The following NEK3 variants were observed in gnomAD, a reference collection of about 807,000 sequenced individuals.
The protein encoded by NEK3 is serine/threonine-protein kinase Nek3.
A neutral mutation model predicts 66.0 loss-of-function variants in NEK3; 54 were observed. That is an observed-to-expected ratio of 0.82 (90% CI 0.66 to 1.03). The LOEUF (loss-of-function observed/expected upper bound fraction) is 1.03, where lower values mean the gene tolerates loss of function less well. NEK3 is among the 50% of genes least tolerant of loss of function. The pLI is 0.00. For synonymous variants in NEK3, 200 were observed against 206.2 expected (o/e 0.97, Z 0.26); for missense variants, 593 against 603.0 (o/e 0.98, Z 0.17).
At chr13:52,155,945 TG>T (rs1956391721) in intron 2 of NEK3, 129 bp downstream of exon 2, 3 of 518,292 alleles carry the variant, frequency 5.8e-6, no homozygotes, top group Admixed American at 6.6e-5. Context: ...TGACCTCAGG[TG>T]ATCTACCCGC....
intron 8 of NEK3, 174 bp downstream of exon 8, chr13:52,148,241 C>A: frequency 2.1e-6 from 1 of 477,856 alleles, no homozygotes; most frequent in Non-Finnish European, 3.7e-6. Flanking sequence ...TGGAAATTTC[C>A]TATTAGTATA....
chr13:52,135,734 C>A lies in NEK3; in HGVS notation c.1304G>T (p.Arg435Ile). 1 of 1,611,602 alleles carries A rather than the reference C, an allele frequency of 6.2e-7. No individual in the cohort carries two copies. The highest frequency in any genetic ancestry group is 1.1e-5 in the South Asian group (1 of 90,528). ...CACATACAGACATGAATTACCTGGT[C>A]TATATATTGTGTATGTTTGAAAAGC... ...SLAFQTYTIY[R>I]PGSEGFLKGP... Residue 435 changes from arginine to isoleucine, a missense_variant, in exon 14 of 16, where the codon AGA (arginine) becomes ATA (isoleucine). Coordinates refer to ENST00000610828, the MANE Select transcript of NEK3 (RefSeq NM_002498.3).
rs1956201684 is a variant in NEK3 at position 52,135,933 on chromosome 13, A to G, written c.1175-70T>C. 3.0e-5 allele frequency: 46 copies of G among 1,546,678 alleles called. No individual in the cohort carries two copies. In the South Asian group the frequency reaches 5.4e-4, roughly 18 times the overall value. On this transcript the variant is annotated intron_variant, in intron 13 of 15. Coordinates refer to ENST00000610828, the MANE Select transcript of NEK3 (RefSeq NM_002498.3). The stretch of plus-strand genomic sequence containing the variant: ...TTTCAGCATGTACTTTCCAGATCAT[A>G]TTTTCAAGCGAAGTTAGTTATATTT...
chr13:52,135,364 G>T (rs145307684), intron 14 of NEK3, among the ~76,000 whole-genome samples: 157 of 152,214 alleles, frequency 1.0e-3, no homozygotes, highest in African/African-American at 3.6e-3. Context: ...GTAGTAGCAG[G>T]ATTATGAAAA....
chr13:52,135,221 A>G (rs1956193232), intron 14 of NEK3, among the ~76,000 whole-genome samples: 1 of 152,186 alleles, frequency 6.6e-6, no homozygotes, highest in African/African-American at 2.4e-5. Context: ...TTAAAAATCA[A>G]ATCCTAATTG....
At chr13:52,143,677 A>G (rs1956269467) in intron 10 of NEK3, among the ~76,000 whole-genome samples, 1 of 152,244 alleles carries the variant, frequency 6.6e-6, no homozygotes. Flanking sequence ...ACTAATAATG[A>G]CAGCATAATC....
rs774525836 is a variant in NEK3 at position 52,156,134 on chromosome 13, A to G, written c.58T>C (p.Leu20=). ...TGATTACTGCTTTCATGCTGAACCAAAAGAGCTCTGCCGAAGGAGCCCTCC... is the reference window on the plus strand; with the variant it reads ...TGATTACTGCTTTCATGCTGAACCAGAAGAGCTCTGCCGAAGGAGCCCTCC... ...IGEGSFGRAL[L]VQHESSNQMF... is the part of the protein sequence containing the mutation. Residue 20 remains leucine, a synonymous_variant, in exon 2 of 16, where the codon TTG becomes CTG. Transcript: ENST00000610828. 6.2e-7 allele frequency: 1 copy of G among 1,608,354 alleles called. No individual in the cohort carries two copies. Among genetic ancestry groups the G allele is most frequent in the South Asian group, 1.1e-5 (1 of 89,478 alleles).
chr13:52,135,831 T>C lies in NEK3; in HGVS notation c.1207A>G (p.Thr403Ala). The change falls in exon 14 of 16, where the codon ACT (threonine) becomes GCT (alanine). Residue 403 changes from threonine to alanine, a missense_variant. Coordinates refer to ENST00000610828, the MANE Select transcript of NEK3 (RefSeq NM_002498.3). ...GTCTCTTTGAGCCACTGCTTACGAG[T>C]AGTATTTTTGCTGTACTTTATTACA... ...GSVIKYSKNT[T>A]RKQWLKETPD... 1 of 1,613,518 alleles carries C rather than the reference T, an allele frequency of 6.2e-7. No homozygotes were observed. The highest frequency in any genetic ancestry group is 8.5e-7 in the Non-Finnish European group (1 of 1,179,668).
intron 14 of NEK3, 85 bp from the exon 15 acceptor site, chr13:52,133,900 T>C: frequency 7.2e-7 from 1 of 1,387,812 alleles, no homozygotes; most frequent in Non-Finnish European, 9.8e-7. Context: ...TCCGTAAGCT[T>C]GCTGGCTGAG....
At chr13:52,145,726 A>C (rs570973475) in intron 8 of NEK3, among the ~76,000 whole-genome samples, 1 of 152,330 alleles carries the variant, frequency 6.6e-6, no homozygotes, top group African/African-American at 2.4e-5. Context: ...GACAGACTGG[A>C]GTAACATTTT....
rs1956201887 is a variant in NEK3, at chr13:52,135,953, A to G, written c.1175-90T>C. On this transcript the variant is annotated intron_variant, in intron 13 of 15. Coordinates refer to ENST00000610828, the MANE Select transcript of NEK3 (RefSeq NM_002498.3). ...ATCATATTTTCAAGCGAAGTTAGTTATATTTGACTGTTAACTAAAATCTGC... is the reference window on the plus strand; with the variant it reads ...ATCATATTTTCAAGCGAAGTTAGTTGTATTTGACTGTTAACTAAAATCTGC... The G allele has an allele frequency of 3.3e-6, 5 of 1,520,016 alleles. No homozygotes were observed. The Admixed American group carries it at 5.8e-5, about 18-fold the overall frequency. 94.2% of individuals were successfully genotyped at this position (1,520,016 alleles called of 1,614,324 possible).
chr13:52,151,288 T>C, intron 6 of NEK3, 37 bp downstream of exon 6: 2 of 1,595,284 alleles, frequency 1.3e-6, no homozygotes, highest in Non-Finnish European at 1.7e-6. Context: ...AATTGATGTT[T>C]TGATTACTGT....
Position 52,144,151 on chromosome 13 carries a change from C to T in NEK3, c.805-164G>A, listed in dbSNP as rs577375739. Among the ~76,000 whole-genome samples, 19 of 152,304 alleles carry T rather than the reference C, an allele frequency of 1.2e-4. No homozygotes were observed. In the South Asian group the frequency reaches 1.7e-3, roughly 13 times the overall value. ...CATACAGGCCGGGCATGGTGGCTCA[C>T]GCCTGTAATCCCAGCACTTTGGGAA... On this transcript the variant is annotated intron_variant, in intron 9 of 15. Transcript: ENST00000610828.
At position 52,135,709 on chromosome 13, in the gene NEK3, C is replaced by A; in HGVS notation, c.1309+20G>T. ...CAAAAAGTCAAAGGGTTTCCAAGGT[C>A]ACATACAGACATGAATTACCTGGTC... On this transcript the variant is annotated intron_variant, in intron 14 of 15. Transcript: ENST00000610828. The A allele has an allele frequency of 1.3e-6, 2 of 1,592,612 alleles. No individual in the cohort carries two copies. The highest frequency in any genetic ancestry group is 2.3e-5 in the South Asian group (2 of 86,780).
chr13:52,146,717 G>C (rs763181551), intron 8 of NEK3, among the ~76,000 whole-genome samples: 5 of 152,120 alleles, frequency 3.3e-5, no homozygotes, highest in Admixed American at 6.5e-5. Flanking sequence ...ACTGTGCTGT[G>C]GGCCTAGGCA....
intron 1 of NEK3, among the ~76,000 whole-genome samples, chr13:52,157,883 G>GT (rs1956408115): frequency 6.6e-6 from 1 of 152,164 alleles, no homozygotes; most frequent in South Asian, 2.1e-4. Context: ...TACAGTGTTT[G>GT]TTTTTTATTT....
intron 8 of NEK3, among the ~76,000 whole-genome samples, chr13:52,145,174 T>C (rs1956284075): frequency 1.3e-5 from 2 of 152,212 alleles, no homozygotes; most frequent in Admixed American, 1.3e-4. Flanking sequence ...ACATTATTAA[T>C]ATATATTGAA....
chr13:52,156,273 G>T, intron 1 of NEK3, 25 bp from the exon 2 acceptor site: 1 of 840,258 alleles, frequency 1.2e-6, no homozygotes, highest in South Asian at 1.5e-5. Flanking sequence ...AGAAACATTT[G>T]AGAATTAAAT....
intron 11 of NEK3, among the ~76,000 whole-genome samples, chr13:52,140,439 T>C (rs1457531945): frequency 1.3e-5 from 2 of 151,800 alleles, no homozygotes; most frequent in African/African-American, 2.4e-5. Context: ...AAACCCTGTC[T>C]CTACTAAAAA....
Sources: allele counts gnomAD v4.1 joint callset (sites outside exome capture counted in the v4.1 genomes callset), GRCh38; gene constraint gnomAD v4.1.1; transcripts MANE v1.5; gene names NCBI Gene and HGNC (gene_info 2026-07-23, HGNC 2026-07-21).